The following PCDHA6 variants were observed in gnomAD, a reference collection of about 807,000 sequenced individuals.
The protein encoded by PCDHA6 is protocadherin alpha-6.
In PCDHA6, 55 loss-of-function variants were observed where a neutral mutation model predicts 60.3. That is an observed-to-expected ratio of 0.91 (90% CI 0.73 to 1.14). The LOEUF is 1.14. Among genes scored for constraint, PCDHA6 ranks in the 50% most tolerant of loss-of-function variants. The pLI is 0.00. For synonymous variants in PCDHA6, 652 were observed against 557.9 expected (o/e 1.17, Z -2.38); for missense variants, 1,327 against 1,256.5 (o/e 1.06, Z -0.85).
rs1191412792 is a variant in PCDHA6 at position 140,853,165 on chromosome 5, C to T, written c.2394+22680C>T. ...AAATGCTGGGATTACAGGCGTGAGCCACCGCGCCTGGCCTAAAATGTGTTC... is the reference window on the plus strand; with the variant it reads ...AAATGCTGGGATTACAGGCGTGAGCTACCGCGCCTGGCCTAAAATGTGTTC... On this transcript the variant is annotated intron_variant, in intron 1 of 3. Coordinates refer to ENST00000529310, the MANE Select transcript of PCDHA6 (RefSeq NM_018909.4). The T allele has an allele frequency of 4.2e-6, 4 of 947,174 alleles. No homozygotes were observed. In the African/African-American group the frequency reaches 7.1e-5, roughly 17 times the overall value. The allele number at this position is 947,174 out of a possible 1,614,324, so 58.7% of individuals were successfully genotyped here.
chr5:140,942,633 G>T (rs1554215141), intron 1 of PCDHA6, among the ~76,000 whole-genome samples: 1 of 151,380 alleles, frequency 6.6e-6, no homozygotes, highest in Non-Finnish European at 1.5e-5. Context: ...AAAAAAAATG[G>T]CAAAAGAGAT....
At chr5:140,971,689 T>C (rs149234216) in intron 1 of PCDHA6, among the ~76,000 whole-genome samples, 1 of 152,306 alleles carries the variant, frequency 6.6e-6, no homozygotes, top group East Asian at 1.9e-4. Context: ...GAATTTGTAC[T>C]CACTAACCAC....
chr5:140,877,193 G>T, intron 1 of PCDHA6: 1 of 1,613,832 alleles, frequency 6.2e-7, no homozygotes, highest in Non-Finnish European at 8.5e-7. Flanking sequence ...GGCAGCGCAG[G>T]AGGCGCAGTT....
chr5:140,967,749 C>G (rs1554229896), intron 1 of PCDHA6: 1 of 1,614,172 alleles, frequency 6.2e-7, no homozygotes, highest in Non-Finnish European at 8.5e-7. Context: ...TATGAGGAAG[C>G]CTCCTCCTAC....
At chr5:140,918,640 G>C (rs2078789038) in intron 1 of PCDHA6, among the ~76,000 whole-genome samples, 1 of 152,132 alleles carries the variant, frequency 6.6e-6, no homozygotes, top group Admixed American at 6.5e-5. Flanking sequence ...TTCATAAATT[G>C]AAACCTAATT....
rs2150442306 is a variant in PCDHA6 at position 140,849,604 on chromosome 5, C to T, written c.2394+19119C>T. 16 of 1,598,568 alleles carry T rather than the reference C, an allele frequency of 1.0e-5. 2 individuals are homozygous for T. The highest frequency in any genetic ancestry group is 1.4e-5 in the Non-Finnish European group (16 of 1,167,944). On this transcript the variant is annotated intron_variant, in intron 1 of 3. Coordinates refer to ENST00000529310, the MANE Select transcript of PCDHA6 (RefSeq NM_018909.4). ...GACGCACAACTGGGGACAGTTATTG[C>T]CCTGATTAGTGTGATCGACCTAGAC... is the stretch of plus-strand genomic sequence containing the variant.
At chr5:140,985,974 C>T (rs562510809) in intron 3 of PCDHA6, among the ~76,000 whole-genome samples, 3 of 152,198 alleles carry the variant, frequency 2.0e-5, no homozygotes, top group Admixed American at 1.3e-4. Context: ...CTCCTGACCT[C>T]GTGATCCGCC....
chr5:140,834,554 G>C, intron 1 of PCDHA6: 2 of 1,614,092 alleles, frequency 1.2e-6, no homozygotes, highest in South Asian at 2.2e-5. Flanking sequence ...TGGAGCTGGC[G>C]GAGCTGGTGC....
At chr5:140,969,514 G>T (rs2096339995) in intron 1 of PCDHA6, 3 of 1,414,044 alleles carry the variant, frequency 2.1e-6, no homozygotes, top group Admixed American at 2.8e-5. Flanking sequence ...TAGCACTAAA[G>T]AATTGTTTTA....
chr5:140,952,378 A>G (rs1282372403), intron 1 of PCDHA6, among the ~76,000 whole-genome samples: 1 of 151,376 alleles, frequency 6.6e-6, no homozygotes, highest in Non-Finnish European at 1.5e-5. Flanking sequence ...TTCCTCTGCC[A>G]GGTACCCTAA....
At chr5:140,885,179 C>T (rs972760379) in intron 1 of PCDHA6, among the ~76,000 whole-genome samples, 37 of 152,232 alleles carry the variant, frequency 2.4e-4, no homozygotes, top group African/African-American at 8.9e-4. Flanking sequence ...CCTCTAGGCA[C>T]ATCAGTGTTC....
intron 1 of PCDHA6, chr5:140,929,177 T>G: frequency 6.2e-7 from 1 of 1,614,172 alleles, no homozygotes; most frequent in Non-Finnish European, 8.5e-7. Flanking sequence ...TCTCTGGGAC[T>G]TGGTTCTGAT....
chr5:140,870,704 T>A, intron 1 of PCDHA6: 1 of 1,612,984 alleles, frequency 6.2e-7, no homozygotes, highest in East Asian at 2.2e-5. Flanking sequence ...CAGTTCCAGG[T>A]GAGCGCGCGC....
At position 140,967,525 on chromosome 5, in the gene PCDHA6, C is replaced by T. The variant is rs368677084; in HGVS notation, c.2395-11424C>T. The stretch of plus-strand genomic sequence containing the variant: ...TGCGTGTCCTGGACACTAACGACAA[C>T]TCTCCTGCCTTTGACCAGTCCACTT... On this transcript the variant is annotated intron_variant, in intron 1 of 3. Coordinates refer to ENST00000529310, the MANE Select transcript of PCDHA6 (RefSeq NM_018909.4). 3.7e-5 allele frequency: 59 copies of T among 1,613,048 alleles called. No individual in the cohort carries two copies. The African/African-American group carries it at 7.3e-4, about 20-fold the overall frequency.
At position 140,858,014 on chromosome 5, in the gene PCDHA6, C is replaced by T. The variant is rs782738271; in HGVS notation, c.2394+27529C>T. 5 of 1,596,754 alleles carry T rather than the reference C, an allele frequency of 3.1e-6. No homozygotes were observed. Among genetic ancestry groups the T allele is most frequent in the African/African-American group, 1.3e-5 (1 of 74,296 alleles). ...GGTGCTGGTGAAGGACCATGGCGAG[C>T]CGTCGCTGACGGCCACGGCCACTGT... On this transcript the variant is annotated intron_variant, in intron 1 of 3. Coordinates refer to ENST00000529310, the MANE Select transcript of PCDHA6 (RefSeq NM_018909.4).
chr5:140,879,923 G>C (rs2058180033), intron 1 of PCDHA6, among the ~76,000 whole-genome samples: 1 of 152,132 alleles, frequency 6.6e-6, no homozygotes, highest in South Asian at 2.1e-4. Context: ...GTTTTACAAA[G>C]GTACATGTGA....
At chr5:140,834,072 A>G (rs2150213347) in intron 1 of PCDHA6, among the ~76,000 whole-genome samples, 43 of 152,334 alleles carry the variant, frequency 2.8e-4, no homozygotes, top group Admixed American at 5.9e-4. Flanking sequence ...GAGAAATGCT[A>G]TTTTAACCTT....
At chr5:140,882,989 G>A (rs567590369) in intron 1 of PCDHA6, 3 of 1,614,130 alleles carry the variant, frequency 1.9e-6, no homozygotes, top group African/African-American at 1.3e-5. Context: ...CAACGCCCCG[G>A]AATTTTACCA....
At chr5:140,911,866 T>A (rs139180139) in intron 1 of PCDHA6, among the ~76,000 whole-genome samples, 31 of 152,320 alleles carry the variant, frequency 2.0e-4, no homozygotes, top group Non-Finnish European at 4.3e-4. Context: ...TCTGTTCTTC[T>A]GGAACCACTC....
Sources: gnomAD v4.1 joint callset for allele counts (sites outside exome capture counted in the v4.1 genomes callset) on GRCh38, gnomAD v4.1.1 for gene constraint, MANE v1.5 for transcripts, NCBI Gene and HGNC (gene_info 2026-07-23, HGNC 2026-07-21) for gene names.